Variants in RPS6KC1 observed in about 807,000 individuals in gnomAD.
RPS6KC1 encodes the protein inactive ribosomal protein S6 kinase delta-1.
Under a neutral mutation model 103.8 loss-of-function variants are expected in RPS6KC1, and 54 were observed. The ratio of observed to expected loss-of-function variants is 0.52; its 90% CI spans 0.42 to 0.65. The LOEUF (loss-of-function observed/expected upper bound fraction) is 0.65. Ranked by LOEUF, RPS6KC1 falls within the 30% of genes least tolerant of loss-of-function variation. RPS6KC1 has a pLI of 0.00. For synonymous variants in RPS6KC1, 439 were observed against 438.7 expected, an observed-to-expected ratio of 1.00 and a Z score of -0.01; for missense variants, 1,151 against 1,253.8, an observed-to-expected ratio of 0.92 and a Z score of 1.24.
At chr1:213,071,257 G>A (rs2148466166) in intron 2 of RPS6KC1, among the ~76,000 whole-genome samples, 1 of 152,206 alleles carries the variant, frequency 6.6e-6, no homozygotes, top group East Asian at 1.9e-4. Context: ...TGCCTCCCGA[G>A]TAGCTGGAAT....
At chr1:213,384,138 T>C in the RPS6KC1 span, among the ~76,000 whole-genome samples, 10 of 151,886 alleles carry the variant, frequency 6.6e-5, no homozygotes, top group Non-Finnish European at 1.0e-4. Flanking sequence ...TAGCTGGGTG[T>C]GGTGGCGGGT....
chr1:213,186,113 T>C (rs964735199), intron 8 of RPS6KC1, among the ~76,000 whole-genome samples: 2 of 152,022 alleles, frequency 1.3e-5, no homozygotes, highest in Non-Finnish European at 2.9e-5. Flanking sequence ...TTTGATAAAA[T>C]CAGTGGATTT....
the RPS6KC1 span, among the ~76,000 whole-genome samples, chr1:213,439,368 C>T: frequency 6.8e-6 from 1 of 147,254 alleles, no homozygotes; most frequent in Non-Finnish European, 1.5e-5. Context: ...ATGCAAGCAA[C>T]TCATCCATAG....
the RPS6KC1 span, among the ~76,000 whole-genome samples, chr1:213,694,374 A>G: frequency 7.2e-5 from 11 of 152,148 alleles, no homozygotes; most frequent in African/African-American, 2.7e-4. Context: ...AGCTTATCTC[A>G]TACATGTATA....
At chr1:213,851,729 C>T in the RPS6KC1 span, among the ~76,000 whole-genome samples, 4 of 152,122 alleles carry the variant, frequency 2.6e-5, no homozygotes, top group Non-Finnish European at 4.4e-5. Flanking sequence ...TGATCAGAGT[C>T]GTCCCTCCCC....
At chr1:213,473,057 T>C in the RPS6KC1 span, among the ~76,000 whole-genome samples, 1 of 152,360 alleles carries the variant, frequency 6.6e-6, no homozygotes, top group East Asian at 1.9e-4. Flanking sequence ...CATCTGCCGT[T>C]TTAAATGCCT....
chr1:213,664,149 G>C, the RPS6KC1 span, among the ~76,000 whole-genome samples: 2 of 147,656 alleles, frequency 1.4e-5, no homozygotes, highest in African/African-American at 5.0e-5. Context: ...ATTGCTGGGT[G>C]ATGTGGGGAG....
At chr1:213,706,487 A>G in the RPS6KC1 span, among the ~76,000 whole-genome samples, 2 of 152,100 alleles carry the variant, frequency 1.3e-5, no homozygotes, top group African/African-American at 4.8e-5. Context: ...TTTCCTACCT[A>G]TTTAGTGCCT....
the RPS6KC1 span, among the ~76,000 whole-genome samples, chr1:213,519,930 C>T: frequency 2.0e-5 from 3 of 152,150 alleles, no homozygotes; most frequent in Admixed American, 6.5e-5. Flanking sequence ...GTTTTTCCCA[C>T]ACTGCAGATG....
the RPS6KC1 span, among the ~76,000 whole-genome samples, chr1:213,752,045 A>T: frequency 1.3e-5 from 2 of 152,234 alleles, no homozygotes; most frequent in African/African-American, 4.8e-5. Flanking sequence ...CCTTTGGGTT[A>T]TTGTGAGTTT....
At chr1:213,106,797 T>C (rs2082542378) in intron 4 of RPS6KC1, among the ~76,000 whole-genome samples, 2 of 152,224 alleles carry the variant, frequency 1.3e-5, no homozygotes, top group Admixed American at 1.3e-4. Context: ...ACTTGTTTTA[T>C]CTATACCTTT....
chr1:213,484,128 A>G, the RPS6KC1 span, among the ~76,000 whole-genome samples: 5 of 144,664 alleles, frequency 3.5e-5, no homozygotes, highest in Non-Finnish European at 7.8e-5. Context: ...AGAATTAAGA[A>G]GGAAGACAAC....
At chr1:213,076,043 C>T (rs948643879) in intron 2 of RPS6KC1, among the ~76,000 whole-genome samples, 1 of 152,210 alleles carries the variant, frequency 6.6e-6, no homozygotes, top group African/African-American at 2.4e-5. Context: ...TTCTTCCTAA[C>T]TAGACTGTGA....
chr1:213,226,388 C>G (rs756436607), intron 8 of RPS6KC1, among the ~76,000 whole-genome samples: 93 of 152,296 alleles, frequency 6.1e-4, no homozygotes, highest in Non-Finnish European at 9.1e-4. Flanking sequence ...TGATTTAACT[C>G]TTAAAGTTCA....
intron 4 of RPS6KC1, among the ~76,000 whole-genome samples, chr1:213,109,426 C>T (rs935151698): frequency 6.6e-6 from 1 of 152,182 alleles, no homozygotes; most frequent in Non-Finnish European, 1.5e-5. Context: ...CATGAGCAAC[C>T]GTGCCCGGCC....
the RPS6KC1 span, among the ~76,000 whole-genome samples, chr1:213,442,215 T>C: frequency 1.3e-5 from 2 of 152,228 alleles, no homozygotes; most frequent in African/African-American, 4.8e-5. Flanking sequence ...TCTCCAATTA[T>C]GGTATTTGTT....
At chr1:213,420,628 A>T in the RPS6KC1 span, among the ~76,000 whole-genome samples, 2 of 152,156 alleles carry the variant, frequency 1.3e-5, no homozygotes, top group Non-Finnish European at 2.9e-5. Flanking sequence ...TTCACGGCCC[A>T]TTCCTGAGGG....
chr1:213,347,508 A>G, the RPS6KC1 span, among the ~76,000 whole-genome samples: 13 of 152,210 alleles, frequency 8.5e-5, no homozygotes, highest in Non-Finnish European at 1.3e-4. Context: ...GTTTGAGACC[A>G]GCCTGGTCAA....
At chr1:213,633,125 G>C in the RPS6KC1 span, among the ~76,000 whole-genome samples, 2 of 152,134 alleles carry the variant, frequency 1.3e-5, no homozygotes, top group Admixed American at 6.6e-5. Context: ...AAACACTCTT[G>C]AGGATATAAT....
Sources: gnomAD v4.1 joint callset for allele counts (sites outside exome capture counted in the v4.1 genomes callset) on GRCh38, gnomAD v4.1.1 for gene constraint, MANE v1.5 for transcripts, NCBI Gene and HGNC (gene_info 2026-07-23, HGNC 2026-07-21) for gene names.